NEGR1: variants seen among roughly 807,000 people sequenced by gnomAD.
The protein encoded by NEGR1 is IgLON family member 4.
Under a neutral mutation model 40.9 loss-of-function variants are expected in NEGR1, and 10 were observed. That is an observed-to-expected ratio of 0.24 (90% CI 0.15 to 0.42). The LOEUF (loss-of-function observed/expected upper bound fraction) is 0.42. Ranked by LOEUF, NEGR1 falls within the 10% of genes least tolerant of loss-of-function variation. NEGR1 has a pLI of 1.00. For synonymous variants in NEGR1, 185 were observed against 166.8 expected, an observed-to-expected ratio of 1.11 and a Z score of -0.84; for missense variants, 352 against 438.9, an observed-to-expected ratio of 0.80 and a Z score of 1.77.
chr1:72,168,123 C>T (rs1178341237), intron 1 of NEGR1, among the ~76,000 whole-genome samples: 2 of 151,772 alleles, frequency 1.3e-5, no homozygotes, highest in African/African-American at 2.4e-5. Context: ...AAGTGATTCT[C>T]CTGTCTCAGT....
intron 2 of NEGR1, among the ~76,000 whole-genome samples, chr1:71,855,405 G>C (rs1307213108): frequency 1.3e-5 from 2 of 151,662 alleles, no homozygotes; most frequent in African/African-American, 4.8e-5. Flanking sequence ...TAGGAGAAAA[G>C]CAGTTGATTT....
intron 6 of NEGR1, among the ~76,000 whole-genome samples, chr1:71,449,266 A>C (rs535905736): frequency 3.3e-5 from 5 of 152,342 alleles, no homozygotes; most frequent in Admixed American, 1.3e-4. Context: ...AGCCCAATTA[A>C]AATGGCTAAC....
chr1:71,773,970 A>T (rs1344668279), intron 3 of NEGR1, among the ~76,000 whole-genome samples: 1 of 152,210 alleles, frequency 6.6e-6, no homozygotes, highest in Non-Finnish European at 1.5e-5. Context: ...TATTAATCTT[A>T]AATTATATGA....
At chr1:72,066,819 T>C (rs1647285295) in intron 1 of NEGR1, among the ~76,000 whole-genome samples, 1 of 152,120 alleles carries the variant, frequency 6.6e-6, no homozygotes, top group Non-Finnish European at 1.5e-5. Flanking sequence ...CATTTTGTTA[T>C]GGCGCTCCTA....
At chr1:71,985,873 G>T (rs1646389955) in intron 1 of NEGR1, among the ~76,000 whole-genome samples, 3 of 152,070 alleles carry the variant, frequency 2.0e-5, no homozygotes, top group Admixed American at 1.3e-4. Flanking sequence ...ACCATACTTG[G>T]AAGCACATTT....
Position 72,250,461 on chromosome 1 carries a change from C to T in NEGR1, c.176+31858G>A, listed in dbSNP as rs556055970. 3.3e-5 allele frequency among the ~76,000 whole-genome samples: 5 copies of T among 152,220 alleles called. No homozygotes were observed. In the South Asian group the frequency reaches 1.0e-3, roughly 32 times the overall value. ...AAATGACTGTTTGTAAATGCAGCTG[C>T]TAATTTGTTTAACTAGGAACAAACA... is the stretch of plus-strand genomic sequence containing the variant. On this transcript the variant is annotated intron_variant, in intron 1 of 6. Coordinates refer to ENST00000357731, the MANE Select transcript of NEGR1 (RefSeq NM_173808.3).
chr1:71,781,762 T>G lies in NEGR1; in HGVS notation c.410-5465A>C, dbSNP rs148601294. Among the ~76,000 whole-genome samples the G allele has an allele frequency of 2.2e-3, 338 of 152,302 alleles. 1 individual carries two copies. Among genetic ancestry groups the G allele is most frequent in the African/African-American group, 7.7e-3 (322 of 41,566 alleles). ...TTCATTCTCTGAAGTTGTAGACTCA[T>G]TACCAAAAACCTTTAAAAGTTGTTA... On this transcript the variant is annotated intron_variant, in intron 2 of 6. Transcript: ENST00000357731.
In NEGR1 at chr1:71,578,448, C is replaced by G. The variant is rs570706173; in HGVS notation, c.940+14369G>C. ...TATCTTTATGGGGTGATTTCCAGGT[C>G]ACTGAAATCAGTTTTAATATTTATT... is the stretch of plus-strand genomic sequence containing the variant. On this transcript the variant is annotated intron_variant, in intron 6 of 6. Coordinates refer to ENST00000357731, the MANE Select transcript of NEGR1 (RefSeq NM_173808.3). Among the ~76,000 whole-genome samples the G allele has an allele frequency of 1.8e-3, 270 of 151,964 alleles. 2 individuals are homozygous for G. The highest frequency in any genetic ancestry group is 2.6e-3 in the Non-Finnish European group (175 of 67,870).
chr1:72,034,305 G>A lies in NEGR1; in HGVS notation c.177-98994C>T, dbSNP rs544775320. Among the ~76,000 whole-genome samples, 18 of 152,302 alleles carry A rather than the reference G, an allele frequency of 1.2e-4. No homozygotes were observed. The South Asian group carries it at 2.7e-3, about 23-fold the overall frequency. ...TAGCCCTTGGAAAACACCAGAAGGG[G>A]TTCCATTGTGCATGCAGGTGTGATC... On this transcript the variant is annotated intron_variant, in intron 1 of 6. Coordinates refer to ENST00000357731, the MANE Select transcript of NEGR1 (RefSeq NM_173808.3).
intron 3 of NEGR1, among the ~76,000 whole-genome samples, chr1:71,755,476 A>G (rs1366960721): frequency 1.3e-5 from 2 of 152,192 alleles, no homozygotes; most frequent in Non-Finnish European, 2.9e-5. Context: ...GGAAAAATAT[A>G]CTAAACTCTC....
At chr1:71,783,318 G>A (rs945331836) in intron 2 of NEGR1, among the ~76,000 whole-genome samples, 1 of 152,006 alleles carries the variant, frequency 6.6e-6, no homozygotes. Flanking sequence ...GCAGATCTAC[G>A]TTACATAACA....
At chr1:71,567,836 T>G (rs1648669174) in intron 6 of NEGR1, among the ~76,000 whole-genome samples, 1 of 19,754 alleles carries the variant, frequency 5.1e-5, no homozygotes, top group South Asian at 1.8e-3. Flanking sequence ...TGAGATTTTG[T>G]TTTTTTTTTT....
chr1:71,879,166 C>T (rs1246146109), intron 2 of NEGR1, among the ~76,000 whole-genome samples: 1 of 151,064 alleles, frequency 6.6e-6, no homozygotes, highest in African/African-American at 2.4e-5. Context: ...AAGGATAATG[C>T]ATGAAAACCC....
In NEGR1 at chr1:71,899,024, ATG is replaced by A. The variant is rs1400018910; in HGVS notation, c.409+36053_409+36054del. Among the ~76,000 whole-genome samples, 9 of 124,650 alleles carry A rather than the reference ATG, an allele frequency of 7.2e-5. No individual in the cohort carries two copies. In the South Asian group the frequency reaches 2.3e-3, roughly 32 times the overall value. 81.8% of individuals were successfully genotyped at this position (124,650 alleles called of 152,430 possible). On this transcript the variant is annotated intron_variant, in intron 2 of 6. Transcript: ENST00000357731. ...TATATATATATATATATGGCAACTA[ATG>A]TGTGTGTGTGCGTGTGTGTGTGTGT...
At chr1:71,585,729 G>C (rs553388169) in intron 6 of NEGR1, among the ~76,000 whole-genome samples, 1 of 134,894 alleles carries the variant, frequency 7.4e-6, no homozygotes, top group Non-Finnish European at 1.6e-5. Context: ...ACAAGTGAAT[G>C]CTTATGTGCA....
At chr1:72,080,507 A>G (rs1647950109) in intron 1 of NEGR1, among the ~76,000 whole-genome samples, 1 of 152,146 alleles carries the variant, frequency 6.6e-6, no homozygotes, top group African/African-American at 2.4e-5. Context: ...TAAGAATTTC[A>G]TATTTAAATA....
At chr1:71,898,758 T>C (rs1474431559) in intron 2 of NEGR1, among the ~76,000 whole-genome samples, 2 of 150,174 alleles carry the variant, frequency 1.3e-5, no homozygotes, top group Non-Finnish European at 3.0e-5. Context: ...TCAAAACCTA[T>C]CTTGCAATAA....
intron 6 of NEGR1, among the ~76,000 whole-genome samples, chr1:71,473,897 A>G: frequency 6.6e-6 from 1 of 151,946 alleles, no homozygotes; most frequent in East Asian, 1.9e-4. Flanking sequence ...CGAAAGTAAG[A>G]AAAAAAAATT....
Position 71,457,166 on chromosome 1 carries a change from C to T in NEGR1, c.941-49596G>A, listed in dbSNP as rs187103277. Among the ~76,000 whole-genome samples the T allele has an allele frequency of 5.9e-5, 9 of 152,240 alleles. No individual in the cohort carries two copies. In the East Asian group the frequency reaches 1.7e-3, roughly 29 times the overall value. On this transcript the variant is annotated intron_variant, in intron 6 of 6. Transcript: ENST00000357731. ...TCTACCCTTTGTCTACCACATTCTC[C>T]ACCCCACCCCACCAGTGATTCCACT...
Sources: gnomAD v4.1 joint callset for allele counts (sites outside exome capture counted in the v4.1 genomes callset) on GRCh38, gnomAD v4.1.1 for gene constraint, MANE v1.5 for transcripts, NCBI Gene and HGNC (gene_info 2026-07-23, HGNC 2026-07-21) for gene names.